Variants in BBX observed in about 807,000 individuals in gnomAD.
BBX encodes BBX high mobility group box domain containing.
BBX carries 30 observed loss-of-function variants against 100.2 expected under a neutral mutation model. The ratio of observed to expected loss-of-function variants is 0.30; its 90% CI spans 0.22 to 0.41. The LOEUF is 0.41. BBX is among the 10% of genes least tolerant of loss of function. BBX has a pLI of 1.00. For synonymous variants in BBX, 376 were observed against 388.1 expected (o/e 0.97, Z 0.37); for missense variants, 1,023 against 1,129.8 (o/e 0.91, Z 1.35).
intron 10 of BBX, among the ~76,000 whole-genome samples, chr3:107,770,673 T>C (rs1396462198): frequency 6.6e-6 from 1 of 152,168 alleles, no homozygotes; most frequent in East Asian, 1.9e-4. Flanking sequence ...TTACCTGAAT[T>C]CCTGAAAAAG....
chr3:107,747,736 A>G lies in BBX; in HGVS notation c.751-229A>G, dbSNP rs558269223. 1.1e-4 allele frequency among the ~76,000 whole-genome samples: 16 copies of G among 152,190 alleles called. No individual in the cohort carries two copies. In the South Asian group the frequency reaches 1.9e-3, roughly 18 times the overall value. On this transcript the variant is annotated intron_variant, in intron 8 of 17. Coordinates refer to ENST00000325805, the MANE Select transcript of BBX (RefSeq NM_001142568.3). ...GATATATACCTGGTACCCTTACCAAAGACATGGCAAATGAGCCATACTCAG... is the reference window on the plus strand; with the variant it reads ...GATATATACCTGGTACCCTTACCAAGGACATGGCAAATGAGCCATACTCAG...
intron 17 of BBX, among the ~76,000 whole-genome samples, chr3:107,802,954 A>T (rs1318090041): frequency 6.6e-6 from 1 of 152,182 alleles, no homozygotes. Flanking sequence ...TTGCTCCTGC[A>T]TGCTATGCTC....
chr3:107,620,863 A>G (rs949372004), intron 2 of BBX, among the ~76,000 whole-genome samples: 1 of 143,818 alleles, frequency 7.0e-6, no homozygotes, highest in Non-Finnish European at 1.5e-5. Context: ...CCAAACAGGG[A>G]GAGGAGAGAG....
chr3:107,580,828 A>C (rs2052223229), intron 2 of BBX, among the ~76,000 whole-genome samples: 1 of 152,126 alleles, frequency 6.6e-6, no homozygotes, highest in South Asian at 2.1e-4. Flanking sequence ...ATGAGGTTTC[A>C]CCATGTTGGC....
intron 2 of BBX, among the ~76,000 whole-genome samples, chr3:107,644,646 G>A (rs2057412156): frequency 2.0e-5 from 3 of 152,082 alleles, no homozygotes; most frequent in Admixed American, 6.6e-5. Context: ...AAGCGTAGAC[G>A]TTTGACTTGA....
intron 3 of BBX, among the ~76,000 whole-genome samples, chr3:107,650,393 C>G (rs1298260265): frequency 1.3e-5 from 2 of 152,090 alleles, no homozygotes; most frequent in African/African-American, 2.4e-5. Flanking sequence ...CCATCCCCCC[C>G]ACCTCCCCTA....
intron 12 of BBX, 103 bp from the exon 13 acceptor site, chr3:107,778,268 A>G: frequency 7.1e-7 from 1 of 1,404,462 alleles, no homozygotes; most frequent in South Asian, 1.3e-5. Flanking sequence ...CCTAATTCCC[A>G]GAGACCCTGT....
At chr3:107,706,224 A>C (rs1344498879) in intron 3 of BBX, among the ~76,000 whole-genome samples, 1 of 152,038 alleles carries the variant, frequency 6.6e-6, no homozygotes, top group Non-Finnish European at 1.5e-5. Context: ...GGGTTTCACC[A>C]TGTTGGCCAG....
At chr3:107,753,307 T>C (rs2107659666) in intron 9 of BBX, among the ~76,000 whole-genome samples, 1 of 152,300 alleles carries the variant, frequency 6.6e-6, no homozygotes, top group Middle Eastern at 3.4e-3. Flanking sequence ...ATTTAACTTT[T>C]AGAAATCGTA....
chr3:107,534,861 T>C (rs1458581521), intron 2 of BBX, among the ~76,000 whole-genome samples: 1 of 152,228 alleles, frequency 6.6e-6, no homozygotes, highest in African/African-American at 2.4e-5. Flanking sequence ...ATAGAATGAC[T>C]ACACAGTTTC....
intron 3 of BBX, among the ~76,000 whole-genome samples, chr3:107,668,761 A>G (rs2058877602): frequency 6.6e-6 from 1 of 152,114 alleles, no homozygotes; most frequent in Non-Finnish European, 1.5e-5. Flanking sequence ...CTTTTCTTTC[A>G]ATCTTTAAAA....
At chr3:107,619,722 C>A (rs895464231) in intron 2 of BBX, among the ~76,000 whole-genome samples, 3 of 152,056 alleles carry the variant, frequency 2.0e-5, no homozygotes, top group Non-Finnish European at 2.9e-5. Context: ...GGTATAGGAT[C>A]CTGGATCGAC....
intron 17 of BBX, among the ~76,000 whole-genome samples, chr3:107,802,278 G>A (rs768241541): frequency 1.7e-4 from 26 of 152,224 alleles, no homozygotes; most frequent in Non-Finnish European, 3.5e-4. Flanking sequence ...GTCCCCTGAC[G>A]TGAGCTTGGT....
intron 2 of BBX, among the ~76,000 whole-genome samples, chr3:107,635,781 C>T (rs1281084753): frequency 1.3e-5 from 2 of 150,234 alleles, no homozygotes; most frequent in South Asian, 2.1e-4. Flanking sequence ...GGCACCATCT[C>T]GGCTCACTGC....
At chr3:107,784,060 A>G (rs2107872337) in intron 13 of BBX, among the ~76,000 whole-genome samples, 1 of 152,186 alleles carries the variant, frequency 6.6e-6, no homozygotes, top group African/African-American at 2.4e-5. Context: ...CATGGAATAA[A>G]TATTGAGAAC....
At chr3:107,664,905 C>T (rs1226950479) in intron 3 of BBX, among the ~76,000 whole-genome samples, 1 of 152,192 alleles carries the variant, frequency 6.6e-6, no homozygotes, top group African/African-American at 2.4e-5. Context: ...GTAAATGACT[C>T]AGGTCCCCTT....
intron 10 of BBX, among the ~76,000 whole-genome samples, chr3:107,755,883 A>C (rs1443926691): frequency 6.6e-6 from 1 of 152,210 alleles, no homozygotes; most frequent in African/African-American, 2.4e-5. Flanking sequence ...AAGGTTACCT[A>C]GAGATATTGC....
At chr3:107,716,478 A>T (rs948693475) in intron 4 of BBX, 129 bp from the exon 5 acceptor site, 77 of 1,150,438 alleles carry the variant, frequency 6.7e-5, no homozygotes, top group Non-Finnish European at 8.9e-5. Flanking sequence ...TTAAAATTAT[A>T]TTTTTTTCAA....
chr3:107,573,735 T>TC (rs2051553980), intron 2 of BBX, among the ~76,000 whole-genome samples: 3 of 151,352 alleles, frequency 2.0e-5, no homozygotes, highest in African/African-American at 7.3e-5. Flanking sequence ...TCTCTCTCTC[T>TC]TTTTTTTTGA....
Sources: gnomAD v4.1 joint callset for allele counts (sites outside exome capture counted in the v4.1 genomes callset) on GRCh38, gnomAD v4.1.1 for gene constraint, MANE v1.5 for transcripts, NCBI Gene and HGNC (gene_info 2026-07-23, HGNC 2026-07-21) for gene names.